WT1: variants seen among roughly 807,000 people sequenced by gnomAD.
WT1 encodes the protein Wilms tumor protein.
A neutral mutation model predicts 60.8 loss-of-function variants in WT1; 8 were observed. That is an observed-to-expected ratio of 0.13 (90% CI 0.08 to 0.24). The LOEUF is 0.24. Ranked by LOEUF, WT1 falls within the 10% of genes least tolerant of loss-of-function variation. The pLI, the probability that WT1 is intolerant of heterozygous loss-of-function variation, is 1.00. For missense variants in WT1, 568 were observed against 711.8 expected (o/e 0.80, Z 2.30); for synonymous variants, 312 against 297.1 (o/e 1.05, Z -0.52).
intron 5 of WT1, among the ~76,000 whole-genome samples, chr11:32,403,278 C>G (rs61889211): frequency 0.065 from 9,880 of 152,248 alleles, 442 homozygotes; most frequent in Non-Finnish European, 0.1. Context: ...GTGCCCAGAA[C>G]ACCAAGTACA....
intron 5 of WT1, among the ~76,000 whole-genome samples, chr11:32,403,403 C>G (rs1278802840): frequency 2.0e-5 from 3 of 152,096 alleles, no homozygotes; most frequent in Non-Finnish European, 4.4e-5. Flanking sequence ...GCCATCTACA[C>G]CAACCCCCAT....
chr11:32,388,557 C>T lies in WT1; in HGVS notation c.*501G>A, dbSNP rs1028338011. On this transcript the variant is annotated 3_prime_UTR_variant, in exon 10 of 10. Transcript: ENST00000452863. ...CCTGGCTGACCTCGGGAATGTTAGACAAGATTCACCCCCGATGCCTTGCTC... is the reference window on the plus strand; with the variant it reads ...CCTGGCTGACCTCGGGAATGTTAGATAAGATTCACCCCCGATGCCTTGCTC... 1.2e-5 allele frequency: 3 copies of T among 245,410 alleles called. No individual in the cohort carries two copies. Among genetic ancestry groups the T allele is most frequent in the African/African-American group, 6.6e-5 (3 of 45,568 alleles). The allele number at this position is 245,410 out of a possible 1,614,324, so 15.2% of individuals were successfully genotyped here.
Position 32,388,503 on chromosome 11 carries a change from G to T in WT1, c.*555C>A. 4.1e-6 allele frequency: 1 copy of T among 241,140 alleles called. No individual in the cohort carries two copies. Among genetic ancestry groups the T allele is most frequent in the Non-Finnish European group, 8.2e-6 (1 of 122,008 alleles). The allele number at this position is 241,140 out of a possible 1,614,324, so 14.9% of individuals were successfully genotyped here. The stretch of plus-strand genomic sequence containing the variant: ...CATGAGCTTTAAAAGTTGCCTGGCA[G>T]AACTACATCCTGCTTTCCAGGTTAG... On this transcript the variant is annotated 3_prime_UTR_variant, in exon 10 of 10. Transcript: ENST00000452863.
At chr11:32,407,285 A>G (rs1852344097) in intron 5 of WT1, among the ~76,000 whole-genome samples, 1 of 152,172 alleles carries the variant, frequency 6.6e-6, no homozygotes, top group Non-Finnish European at 1.5e-5. Flanking sequence ...TTAACATTGC[A>G]AGAGTGGCTT....
At chr11:32,428,704 G>C (rs573747031) in intron 1 of WT1, 85 bp from the exon 2 acceptor site, 388 of 1,552,640 alleles carry the variant, frequency 2.5e-4, no homozygotes, top group Admixed American at 3.2e-4. Context: ...CGGGCGGGGG[G>C]GGTGTGCGCT....
intron 3 of WT1, among the ~76,000 whole-genome samples, chr11:32,426,510 G>A (rs1452304322): frequency 6.6e-6 from 1 of 152,198 alleles, no homozygotes. Flanking sequence ...CAGGCTTGGG[G>A]CAGCATGCCG....
chr11:32,428,694 C>T, intron 1 of WT1, 75 bp from the exon 2 acceptor site: 10 of 1,524,156 alleles, frequency 6.6e-6, no homozygotes, highest in Non-Finnish European at 8.7e-6. Flanking sequence ...GAACCAGCCA[C>T]GGGCGGGGGG....
intron 1 of WT1, chr11:32,430,526 G>T (rs747363777): frequency 3.8e-6 from 6 of 1,572,848 alleles, no homozygotes; most frequent in East Asian, 2.5e-5. Context: ...TTCTCTAGAC[G>T]AACCCTTCTC....
At chr11:32,424,752 T>C in intron 3 of WT1, among the ~76,000 whole-genome samples, 1 of 152,192 alleles carries the variant, frequency 6.6e-6, no homozygotes. Flanking sequence ...AGGAGGGAAT[T>C]GTGCAGGGGA....
chr11:32,426,373 T>C (rs564969354), intron 3 of WT1, among the ~76,000 whole-genome samples: 1 of 152,284 alleles, frequency 6.6e-6, no homozygotes, highest in South Asian at 2.1e-4. Flanking sequence ...CAGGAGCAGC[T>C]ACACAAGAAG....
At position 32,388,532 on chromosome 11, in the gene WT1, C is replaced by G. The variant is rs1397233754; in HGVS notation, c.*526G>C. ...TACATCCTGCTTTCCAGGTTAGCAG[C>G]CTGGCTGACCTCGGGAATGTTAGAC... On this transcript the variant is annotated 3_prime_UTR_variant, in exon 10 of 10. Transcript: ENST00000452863. The G allele has an allele frequency of 4.1e-6, 1 of 242,444 alleles. No homozygotes were observed. The highest frequency in any genetic ancestry group is 2.2e-5 in the African/African-American group (1 of 45,488). The allele number at this position is 242,444 out of a possible 1,614,324, so 15.0% of individuals were successfully genotyped here. A position where few individuals can be genotyped will look rare whatever the true frequency, so the allele number is the denominator to read the frequency against.
intron 6 of WT1, among the ~76,000 whole-genome samples, chr11:32,396,935 A>T (rs957372627): frequency 1.3e-5 from 2 of 152,230 alleles, no homozygotes; most frequent in African/African-American, 4.8e-5. Context: ...AAGGAAGAAG[A>T]AGCCCCTGGA....
Position 32,400,076 on chromosome 11 carries a change from T to C in WT1, c.1017-32A>G, listed in dbSNP as rs200585519. On this transcript the variant is annotated intron_variant, in intron 5 of 9. Transcript: ENST00000452863. ...ACACAAAGAAGGGAAAAAGGCTCAGTGTGGCTCACAGTCGCCATTTGGAAA... is the reference window on the plus strand; with the variant it reads ...ACACAAAGAAGGGAAAAAGGCTCAGCGTGGCTCACAGTCGCCATTTGGAAA... The C allele has an allele frequency of 7.4e-6, 12 of 1,612,386 alleles. No individual in the cohort carries two copies. The East Asian group carries it at 2.7e-4, about 36-fold the overall frequency.
intron 7 of WT1, among the ~76,000 whole-genome samples, chr11:32,395,306 T>C (rs1851933326): frequency 6.6e-6 from 1 of 152,190 alleles, no homozygotes; most frequent in African/African-American, 2.4e-5. Context: ...TCCCACCTAG[T>C]GCCCACAAGG....
chr11:32,423,339 G>C (rs1402350923), intron 3 of WT1, among the ~76,000 whole-genome samples: 1 of 152,222 alleles, frequency 6.6e-6, no homozygotes, highest in Non-Finnish European at 1.5e-5. Context: ...CAGTGGTAAA[G>C]ACAAAACTGG....
chr11:32,410,922 A>G (rs1403293064), intron 5 of WT1, among the ~76,000 whole-genome samples: 1 of 152,206 alleles, frequency 6.6e-6, no homozygotes, highest in East Asian at 1.9e-4. Flanking sequence ...CCTAGAGGTT[A>G]TGATCTTTTC....
chr11:32,420,962 A>G (rs1208845561), intron 3 of WT1, among the ~76,000 whole-genome samples: 1 of 152,168 alleles, frequency 6.6e-6, no homozygotes, highest in African/African-American at 2.4e-5. Flanking sequence ...CCAAGCTACT[A>G]ATAGGTTTCC....
At chr11:32,427,610 T>C (rs1246898565) in intron 3 of WT1, among the ~76,000 whole-genome samples, 1 of 152,198 alleles carries the variant, frequency 6.6e-6, no homozygotes, top group Admixed American at 6.5e-5. Flanking sequence ...GTTTGAGGTC[T>C]CAGAACCGAG....
intron 5 of WT1, chr11:32,400,558 T>G: frequency 4.2e-6 from 1 of 237,256 alleles, no homozygotes; most frequent in Non-Finnish European, 8.4e-6. Context: ...TCTGCTTAAA[T>G]GACAGGTCAG....
Sources: gnomAD v4.1 joint callset for allele counts (sites outside exome capture counted in the v4.1 genomes callset) on GRCh38, gnomAD v4.1.1 for gene constraint, MANE v1.5 for transcripts, NCBI Gene and HGNC (gene_info 2026-07-23, HGNC 2026-07-21) for gene names.